Variants in NCOR2 observed in about 807,000 individuals in gnomAD.
NCOR2 encodes CTG repeat protein 26.
A neutral mutation model predicts 262.9 loss-of-function variants in NCOR2; 81 were observed. The observed-to-expected ratio is 0.31, with a 90% CI of 0.26 to 0.37. The LOEUF (loss-of-function observed/expected upper bound fraction) is 0.37, where lower values mean the gene tolerates loss of function less well. NCOR2 is among the 10% of genes least tolerant of loss of function. The pLI is 1.00. For synonymous variants in NCOR2, 1,659 were observed against 1,559.3 expected (o/e 1.06, Z -1.51); for missense variants, 3,385 against 3,621.4 (o/e 0.93, Z 1.68).
rs568962848 is a variant in NCOR2 at position 124,396,183 on chromosome 12, C to T, written c.1876+1936G>A. 3.3e-5 allele frequency among the ~76,000 whole-genome samples: 5 copies of T among 151,820 alleles called. No individual in the cohort carries two copies. In the East Asian group the frequency reaches 5.8e-4, roughly 18 times the overall value. On this transcript the variant is annotated intron_variant, in intron 16 of 46. Coordinates refer to ENST00000405201, the Ensembl canonical transcript of NCOR2. ...CTGCCAGGGGCTGGTAGGGCTGGGG[C>T]GGGGCCCTGGGAGGGACTGCTAATG...
intron 13 of NCOR2, among the ~76,000 whole-genome samples, chr12:124,413,547 T>C (rs1007061211): frequency 6.6e-6 from 1 of 152,046 alleles, no homozygotes; most frequent in Non-Finnish European, 1.5e-5. Context: ...CCTGGTGACA[T>C]GAGAGAGGCC....
rs1254223338 is a variant in NCOR2, at chr12:124,414,914, G to A, written c.1482+5043C>T. Among the ~76,000 whole-genome samples the A allele has an allele frequency of 2.6e-5, 4 of 152,130 alleles. No individual in the cohort carries two copies. In the East Asian group the frequency reaches 7.7e-4, roughly 29 times the overall value. ...TGTGAGGGGAGTGGGGCTGGGCAGGGGCTCGTGTGCTCCATGGCCAGGGAT... is the reference window on the plus strand; with the variant it reads ...TGTGAGGGGAGTGGGGCTGGGCAGGAGCTCGTGTGCTCCATGGCCAGGGAT... On this transcript the variant is annotated intron_variant, in intron 13 of 46. Transcript: ENST00000405201.
chr12:124,488,832 C>T (rs144044856), intron 1 of NCOR2, among the ~76,000 whole-genome samples: 3 of 152,252 alleles, frequency 2.0e-5, no homozygotes, highest in East Asian at 1.9e-4. Flanking sequence ...GGCCTCGGCC[C>T]GATAGTGCCC....
rs771733606 is a variant in NCOR2, at chr12:124,483,640, G to A, written c.367C>T (p.Leu123=). Reference sequence around the variant, plus strand: ...CCCGCAGGCTGGCCCGTGGCCAGCAGGGGTGACGGTCGCAGCAGGGGGTCA... The same window carrying A: ...CCCGCAGGCTGGCCCGTGGCCAGCAAGGGTGACGGTCGCAGCAGGGGGTCA... The change falls in exon 3 of 47, where the codon CTG becomes TTG. Residue 123 remains leucine (L), a synonymous_variant. Coordinates refer to ENST00000405201, the Ensembl canonical transcript of NCOR2. This position sits in a 1 kb window ranked among gnomAD's most constrained non-coding sequence, Gnocchi z 6.3. The A allele has an allele frequency of 2.5e-5, 41 of 1,610,924 alleles. No homozygotes were observed. The highest frequency in any genetic ancestry group is 3.3e-5 in the Non-Finnish European group (39 of 1,178,854).
intron 1 of NCOR2, among the ~76,000 whole-genome samples, chr12:124,493,526 T>G (rs1398044867): frequency 6.6e-6 from 1 of 152,196 alleles, no homozygotes; most frequent in Non-Finnish European, 1.5e-5. Context: ...TCAGAGAGGT[T>G]ACGTAACTTG....
rs1024882999 is a variant in NCOR2 at position 124,438,323 on chromosome 12, G to A, written c.816-327C>T. ...CATCTGCCCACGGAAAGATGGCCAC[G>A]GAGAAACAGCCACAGCCTCCAACTA... On this transcript the variant is annotated intron_variant, in intron 7 of 46. Transcript: ENST00000405201. 3.9e-4 allele frequency among the ~76,000 whole-genome samples: 59 copies of A among 152,114 alleles called. 1 individual carries two copies. Among genetic ancestry groups the A allele is most frequent in the Admixed American group, 6.5e-5 (1 of 15,280 alleles).
chr12:124,382,697 T>C (rs969433300), intron 17 of NCOR2, among the ~76,000 whole-genome samples: 1 of 152,218 alleles, frequency 6.6e-6, no homozygotes, highest in Non-Finnish European at 1.5e-5. Context: ...ACCCCATCCA[T>C]GTCTCTGCCC....
upstream of NCOR2, among the ~76,000 whole-genome samples, chr12:124,500,149 G>C (rs1178248013): frequency 6.6e-6 from 1 of 152,100 alleles, no homozygotes; most frequent in Non-Finnish European, 1.5e-5. Context: ...GGGACTTGTA[G>C]ATCTCAGGTG....
chr12:124,545,039 G>A (rs2051497226), intron 1 of NCOR2, among the ~76,000 whole-genome samples: 1 of 152,112 alleles, frequency 6.6e-6, no homozygotes, highest in South Asian at 2.1e-4. Flanking sequence ...TGATGCCAGG[G>A]GCTACTCTGA....
chr12:124,555,126 C>T (rs975340356), intron 1 of NCOR2, among the ~76,000 whole-genome samples: 5 of 152,218 alleles, frequency 3.3e-5, no homozygotes, highest in Non-Finnish European at 7.3e-5. Context: ...CCTCAGTGTC[C>T]CCATCTGTAA....
chr12:124,434,455 G>T (rs2136385649), intron 8 of NCOR2, among the ~76,000 whole-genome samples: 1 of 152,194 alleles, frequency 6.6e-6, no homozygotes. Flanking sequence ...GTTTCTGCCT[G>T]CCTCTTCTCT....
intron 46 of NCOR2, among the ~76,000 whole-genome samples, chr12:124,325,897 G>C (rs182284941): frequency 3.3e-5 from 5 of 152,002 alleles, no homozygotes; most frequent in African/African-American, 1.2e-4. Flanking sequence ...AGCCCTCCAC[G>C]CCTCCTCACT....
At chr12:124,519,029 G>A (rs1193341333) in intron 1 of NCOR2, among the ~76,000 whole-genome samples, 11 of 150,904 alleles carry the variant, frequency 7.3e-5, no homozygotes. Context: ...CCCTCACACT[G>A]GCATTCTGAT....
At chr12:124,497,031 G>A (rs2048416397), upstream of NCOR2, among the ~76,000 whole-genome samples, 1 of 152,242 alleles carries the variant, frequency 6.6e-6, no homozygotes, top group African/African-American at 2.4e-5. The surrounding 1 kb of genome is among the most constrained non-coding windows in gnomAD (Gnocchi z 4.2). Context: ...TGTGTCCGAT[G>A]GTGGCTGGAG....
intron 1 of NCOR2, chr12:124,513,294 C>G (rs1220397698): frequency 6.6e-6 from 1 of 152,236 alleles, no homozygotes; most frequent in Non-Finnish European, 1.5e-5. Flanking sequence ...CTCTGGGGTG[C>G]CCCTCCTGCC....
intron 1 of NCOR2, among the ~76,000 whole-genome samples, chr12:124,518,968 C>T (rs1310201368): frequency 6.6e-6 from 1 of 152,190 alleles, no homozygotes; most frequent in Non-Finnish European, 1.5e-5. Flanking sequence ...CAGGCTCTCC[C>T]TTGCAAATAT....
chr12:124,503,999 C>T lies in NCOR2; in HGVS notation c.-117-8631G>A, dbSNP rs1463540444. Reference sequence around the variant, plus strand: ...AACCCATATAACTGCTCCCCAAGTCCCAGCCTGCTGAGTAAGAAGGACCCT... The same window carrying T: ...AACCCATATAACTGCTCCCCAAGTCTCAGCCTGCTGAGTAAGAAGGACCCT... On this transcript the variant is annotated intron_variant, in intron 1 of 46. Coordinates refer to the NCOR2 transcript ENST00000404621. The surrounding 1 kb of genome is among the most constrained non-coding windows in gnomAD (Gnocchi z 4.3). Among the ~76,000 whole-genome samples the T allele has an allele frequency of 6.6e-6, 1 of 152,168 alleles. No homozygotes were observed. Among genetic ancestry groups the T allele is most frequent in the Non-Finnish European group, 1.5e-5 (1 of 68,018 alleles).
exon 38 of NCOR2, chr12:124,336,859 G>C: frequency 6.2e-7 from 1 of 1,611,766 alleles, no homozygotes; most frequent in Non-Finnish European, 8.5e-7. Context: ...CCGGGCTGGC[G>C]TGGTGAGGTG....
intron 13 of NCOR2, among the ~76,000 whole-genome samples, chr12:124,416,636 G>A (rs1399317587): frequency 3.4e-5 from 5 of 147,742 alleles, no homozygotes; most frequent in African/African-American, 1.3e-4. Flanking sequence ...CCGCGGCACA[G>A]ATAGACCCGT....
Sources: gnomAD v4.1 joint callset for allele counts (sites outside exome capture counted in the v4.1 genomes callset) on GRCh38, gnomAD v4.1.1 for gene constraint, Gnocchi (gnomAD v3.1) non-coding constraint, MANE v1.5 for transcripts, NCBI Gene and HGNC (gene_info 2026-07-23, HGNC 2026-07-21) for gene names.